The following CSF1 variants were observed in gnomAD, a reference collection of about 807,000 sequenced individuals.
The protein encoded by CSF1 is colony stimulating factor 1.
CSF1 carries 9 observed loss-of-function variants against 48.9 expected under a neutral mutation model. That is an observed-to-expected ratio of 0.18 (90% CI 0.11 to 0.32). The LOEUF (loss-of-function observed/expected upper bound fraction) is 0.32. CSF1 is among the 10% of genes least tolerant of loss of function. The probability of loss-of-function intolerance (pLI) is 1.00; values close to 1 mark genes in which losing one functional copy is unlikely to be tolerated. For synonymous variants in CSF1, 305 were observed against 284.1 expected (o/e 1.07, Z -0.74); for missense variants, 672 against 697.9 (o/e 0.96, Z 0.42).
At position 109,929,542 on chromosome 1, in the gene CSF1, G is replaced by A. The variant is rs987085136; in HGVS notation, c.*704G>A. On this transcript the variant is annotated 3_prime_UTR_variant, in exon 9 of 9. Coordinates refer to ENST00000329608, the MANE Select transcript of CSF1 (RefSeq NM_000757.6). ...GCCTGACCTGCCAGTGATGCCAAGA[G>A]GGGGATCAAGCACTGGCCTCTGCCC... 2 of 152,970 alleles carry A rather than the reference G, an allele frequency of 1.3e-5. No homozygotes were observed. Among genetic ancestry groups the A allele is most frequent in the African/African-American group, 4.8e-5 (2 of 41,456 alleles). The allele number at this position is 152,970 out of a possible 1,614,324, so 9.5% of individuals were successfully genotyped here. A position where few individuals can be genotyped will look rare whatever the true frequency, so the allele number is the denominator to read the frequency against.
At position 109,924,768 on chromosome 1, in the gene CSF1, G is replaced by A. The variant is rs1474076044; in HGVS notation, c.1570-8G>A. The A allele has an allele frequency of 6.3e-7, 1 of 1,583,158 alleles. No individual in the cohort carries two copies. The highest frequency in any genetic ancestry group is 2.3e-5 in the East Asian group (1 of 43,036). ...GCTCCTCAGTGAGATGCTCTTTCCT[G>A]TCCTCAGAGCCATCAAGAGCCTCAG... On this transcript the variant is annotated splice_polypyrimidine_tract_variant and splice_region_variant and intron_variant, in intron 6 of 8. Coordinates refer to ENST00000329608, the MANE Select transcript of CSF1 (RefSeq NM_000757.6).
In CSF1 at chr1:109,923,802, T is replaced by C; in HGVS notation, c.1181T>C (p.Leu394Pro). ...AAGACAGACCATCCATCTGCCCTGCTCAGAGACCCCCCGGAGCCAGGCTCT... is the reference window on the plus strand; with the variant it reads ...AAGACAGACCATCCATCTGCCCTGCCCAGAGACCCCCCGGAGCCAGGCTCT... ...PQKTDHPSAL[L>P]RDPPEPGSPR... is the part of the protein sequence containing the mutation. Residue 394 changes from leucine (L) to proline (P), a missense_variant, in exon 6 of 9, where the codon CTC (leucine) becomes CCC (proline). Leu to Pro is a moderately conservative substitution (Grantham distance 98). Transcript: ENST00000329608. 5.0e-6 allele frequency: 8 copies of C among 1,611,220 alleles called. No homozygotes were observed. Among genetic ancestry groups the C allele is most frequent in the Non-Finnish European group, 6.8e-6 (8 of 1,178,704 alleles).
intron 2 of CSF1, among the ~76,000 whole-genome samples, 182 bp downstream of exon 2, chr1:109,914,563 C>T (rs140509047): frequency 6.7e-4 from 102 of 152,392 alleles, no homozygotes; most frequent in African/African-American, 2.4e-3. Flanking sequence ...GTTAGGACCT[C>T]TGGTCTCCCC....
intron 1 of CSF1, among the ~76,000 whole-genome samples, chr1:109,912,300 A>G (rs555642791): frequency 2.0e-5 from 3 of 152,172 alleles, no homozygotes; most frequent in Middle Eastern, 3.4e-3. Context: ...ATGAAATGGA[A>G]TAGGATAGGT....
chr1:109,923,520 G>A lies in CSF1; in HGVS notation c.899G>A (p.Gly300Asp), dbSNP rs373979919. The stretch of plus-strand genomic sequence containing the variant: ...GAGGATATTCTTGACTCTGCAATGG[G>A]CACTAATTGGGTCCCAGAAGAAGCC... ...GMEDILDSAMGTNWVPEEASG... is the reference protein window; with the variant it reads ...GMEDILDSAMDTNWVPEEASG... Residue 300 changes from glycine (G) to aspartate (D), a missense_variant, in exon 6 of 9, where the codon GGC becomes GAC. By Grantham distance (94) the Gly-to-Asp change is moderately conservative. This residue lies in a region of CSF1 where 591 missense variants were observed against 593.6 expected (regional missense o/e 1.00). Coordinates refer to ENST00000329608, the MANE Select transcript of CSF1 (RefSeq NM_000757.6). 1 of 1,614,112 alleles carries A rather than the reference G, an allele frequency of 6.2e-7. No homozygotes were observed. The highest frequency in any genetic ancestry group is 1.7e-5 in the Admixed American group (1 of 60,020).
Position 109,923,339 on chromosome 1 carries a change from C to A in CSF1, c.718C>A (p.Pro240Thr), listed in dbSNP as rs764752158. Residue 240 changes from proline (P) to threonine (T), a missense_variant, in exon 6 of 9, where the codon CCC becomes ACC. Around this residue, in one of 3 missense-constraint regions of CSF1, gnomAD observed 591 missense variants for 593.6 expected, o/e 1.00. Transcript: ENST00000329608. ...EGSSLLPGEQPLHTVDPGSAK... is the reference protein window; with the variant it reads ...EGSSLLPGEQTLHTVDPGSAK... ...CAGCTCCCTCTTGCCTGGTGAGCAG[C>A]CCCTGCACACAGTGGATCCAGGCAG... 4 of 1,612,092 alleles carry A rather than the reference C, an allele frequency of 2.5e-6. No individual in the cohort carries two copies. In the Admixed American group the frequency reaches 6.7e-5, roughly 27 times the overall value.
intron 5 of CSF1, chr1:109,922,504 C>G (rs1647605513): frequency 6.5e-6 from 1 of 154,718 alleles, no homozygotes; most frequent in East Asian, 1.9e-4. Context: ...GAAGTCTGAG[C>G]ATCATTGGAA....
chr1:109,915,620 G>T lies in CSF1; in HGVS notation c.163-14G>T. 2 of 1,612,138 alleles carry T rather than the reference G, an allele frequency of 1.2e-6. No homozygotes were observed. Among genetic ancestry groups the T allele is most frequent in the African/African-American group, 1.3e-5 (1 of 75,000 alleles). Reference sequence around the variant, plus strand: ...TAGGTTACCCTGCAATCGTTGGCCTGCTCTCTCTTACAGATTGACAGTCAG... The same window carrying T: ...TAGGTTACCCTGCAATCGTTGGCCTTCTCTCTCTTACAGATTGACAGTCAG... On this transcript the variant is annotated splice_polypyrimidine_tract_variant and intron_variant, in intron 2 of 8. Coordinates refer to ENST00000329608, the MANE Select transcript of CSF1 (RefSeq NM_000757.6).
In CSF1 at chr1:109,911,813, G is replaced by A. The variant is rs543514129; in HGVS notation, c.39+751G>A. 5.3e-5 allele frequency among the ~76,000 whole-genome samples: 8 copies of A among 152,308 alleles called. No individual in the cohort carries two copies. In the South Asian group the frequency reaches 1.7e-3, roughly 32 times the overall value. ...AGTGCTTGAGGAAAATGGAAAGAGG[G>A]TTTGGTGTTGCAGAGCTGTGTCCAG... On this transcript the variant is annotated intron_variant, in intron 1 of 8. Transcript: ENST00000329608.
intron 4 of CSF1, among the ~76,000 whole-genome samples, chr1:109,918,782 G>A (rs774826194): frequency 1.6e-4 from 25 of 152,056 alleles, no homozygotes; most frequent in Non-Finnish European, 1.9e-4. Flanking sequence ...CGTTGAGGAG[G>A]CAGCTAGGTG....
chr1:109,922,199 G>A (rs986211522), intron 5 of CSF1: 3 of 448,872 alleles, frequency 6.7e-6, no homozygotes, highest in Non-Finnish European at 1.2e-5. Context: ...TGACATGTGT[G>A]TGCATGCACA....
intron 4 of CSF1, among the ~76,000 whole-genome samples, chr1:109,920,321 G>A (rs1194684767): frequency 6.6e-6 from 1 of 151,036 alleles, no homozygotes; most frequent in Non-Finnish European, 1.5e-5. Flanking sequence ...AGGCTGGAGT[G>A]CAGTAGTGCC....
At chr1:109,911,644 G>T (rs757130222) in intron 1 of CSF1, among the ~76,000 whole-genome samples, 3 of 152,100 alleles carry the variant, frequency 2.0e-5, no homozygotes, top group Non-Finnish European at 4.4e-5. Context: ...TGTTTGGGGG[G>T]TGGGGTGGGG....
intron 4 of CSF1, among the ~76,000 whole-genome samples, chr1:109,919,972 AAAT>A (rs1647452463): frequency 9.6e-6 from 1 of 103,912 alleles, no homozygotes; most frequent in African/African-American, 3.7e-5. Flanking sequence ...ATAAATAAAT[AAAT>A]AAAAGACTGA....
At chr1:109,911,587 C>T (rs1486472800) in intron 1 of CSF1, among the ~76,000 whole-genome samples, 1 of 151,730 alleles carries the variant, frequency 6.6e-6, no homozygotes, top group Admixed American at 6.6e-5. Flanking sequence ...GGGCAAGCCA[C>T]TGCTTGTTCC....
chr1:109,924,219 C>T, intron 6 of CSF1, 29 bp downstream of exon 6: 3 of 1,567,018 alleles, frequency 1.9e-6, no homozygotes, highest in Non-Finnish European at 2.6e-6. Flanking sequence ...GGAAGAAGAG[C>T]ACGTCCCTTA....
chr1:109,926,886 A>G (rs1647865568), intron 8 of CSF1: 1 of 152,168 alleles, frequency 6.6e-6, no homozygotes, highest in South Asian at 2.1e-4. Context: ...GGTTCTACTA[A>G]GAGAGGGCCT....
intron 4 of CSF1, among the ~76,000 whole-genome samples, chr1:109,919,781 A>ATT (rs1647438606): frequency 6.6e-6 from 1 of 151,958 alleles, no homozygotes. Flanking sequence ...CAACAGGGCG[A>ATT]AACCCCATCT....
intron 8 of CSF1, chr1:109,926,510 T>G (rs1174766199): frequency 6.6e-6 from 1 of 152,308 alleles, no homozygotes. Context: ...TCCTGCACAT[T>G]GATGAGTGCC....
Sources: allele counts gnomAD v4.1 joint callset (sites outside exome capture counted in the v4.1 genomes callset), GRCh38; gene constraint gnomAD v4.1.1; regional missense constraint gnomAD v4.1.1; transcripts MANE v1.5; gene names NCBI Gene and HGNC (gene_info 2026-07-23, HGNC 2026-07-21).